Variants in KLF13 observed in about 807,000 individuals in gnomAD.
KLF13 encodes the protein Krueppel-like factor 13.
KLF13 carries 8 observed loss-of-function variants against 16.7 expected under a neutral mutation model. The ratio of observed to expected loss-of-function variants is 0.48; its 90% confidence interval spans 0.28 to 0.87. The LOEUF is 0.87. KLF13 is among the 40% of genes least tolerant of loss of function. The probability of loss-of-function intolerance (pLI) is 0.10; values close to 1 mark genes in which losing one functional copy is unlikely to be tolerated. For missense variants in KLF13, 447 were observed against 452.2 expected (o/e 0.99, Z 0.10); for synonymous variants, 245 against 208.4 (o/e 1.18, Z -1.51).
intron 1 of KLF13, among the ~76,000 whole-genome samples, chr15:31,433,774 A>T (rs1030777010): frequency 2.0e-5 from 3 of 152,202 alleles, no homozygotes; most frequent in African/African-American, 7.2e-5. Flanking sequence ...GTGTGGGCTG[A>T]CACTGACTGG....
intron 1 of KLF13, among the ~76,000 whole-genome samples, chr15:31,423,913 AAT>A (rs2040373075): frequency 6.6e-6 from 1 of 152,216 alleles, no homozygotes; most frequent in Non-Finnish European, 1.5e-5. Flanking sequence ...TTGAACAACT[AAT>A]AGATCAATGA....
downstream of KLF13, among the ~76,000 whole-genome samples, chr15:31,380,026 A>T (rs1452792768): frequency 6.6e-6 from 1 of 152,190 alleles, no homozygotes; most frequent in Non-Finnish European, 1.5e-5. Flanking sequence ...GGCCGCGCGC[A>T]GTGGTTCACG....
intron 1 of KLF13, among the ~76,000 whole-genome samples, chr15:31,339,288 C>A (rs2038983250): frequency 1.3e-5 from 2 of 152,036 alleles, no homozygotes; most frequent in South Asian, 4.2e-4. Flanking sequence ...GACTAAGATA[C>A]CAAAATGTCT....
At chr15:31,331,784 C>T (rs148650511) in intron 1 of KLF13, among the ~76,000 whole-genome samples, 56 of 152,354 alleles carry the variant, frequency 3.7e-4, no homozygotes, top group African/African-American at 1.1e-3. Flanking sequence ...CACCACCAAA[C>T]CACTGTTACC....
At chr15:31,399,811 C>T (rs1042398287) in intron 2 of KLF13, among the ~76,000 whole-genome samples, 15 of 152,234 alleles carry the variant, frequency 9.9e-5, no homozygotes, top group Admixed American at 7.9e-4. Context: ...CTGTCTTGCC[C>T]GATCTGCCAG....
intron 1 of KLF13, among the ~76,000 whole-genome samples, chr15:31,365,624 C>CA (rs2039455800): frequency 6.6e-6 from 1 of 150,840 alleles, no homozygotes; most frequent in Non-Finnish European, 1.5e-5. Flanking sequence ...TGGGGGGGCC[C>CA]ACTCACCTGT....
chr15:31,427,991 G>A (rs1012248087), intron 1 of KLF13, among the ~76,000 whole-genome samples: 1 of 151,834 alleles, frequency 6.6e-6, no homozygotes, highest in Non-Finnish European at 1.5e-5. Context: ...ATTTGGGTGG[G>A]GACACAGACC....
intron 1 of KLF13, among the ~76,000 whole-genome samples, chr15:31,418,933 G>C (rs559929393): frequency 3.6e-4 from 55 of 152,270 alleles, no homozygotes; most frequent in African/African-American, 1.3e-3. Flanking sequence ...AACATAGAGA[G>C]ACCCTGTCTC....
chr15:31,337,650 A>G (rs573320534), intron 1 of KLF13, among the ~76,000 whole-genome samples: 37 of 152,358 alleles, frequency 2.4e-4, no homozygotes, highest in African/African-American at 7.9e-4. Context: ...AAGCCGGTAC[A>G]GTATAGTACT....
At chr15:31,338,839 C>T (rs560114500) in intron 1 of KLF13, among the ~76,000 whole-genome samples, 1 of 152,078 alleles carries the variant, frequency 6.6e-6, no homozygotes, top group East Asian at 1.9e-4. Flanking sequence ...CCTCTACTCC[C>T]CCTTGTACTG....
intron 1 of KLF13, among the ~76,000 whole-genome samples, chr15:31,423,133 GTATACGTATACGTATA>G (rs1465515148): frequency 1.0e-5 from 1 of 95,646 alleles, no homozygotes; most frequent in East Asian, 2.9e-4. Flanking sequence ...GTATATATAC[GTATACGTATACGTATA>G]TATACGTATA....
At chr15:31,423,139 GTATACGTATA>G (rs1345017777) in intron 1 of KLF13, among the ~76,000 whole-genome samples, 4 of 15,154 alleles carry the variant, frequency 2.6e-4, no homozygotes, top group Non-Finnish European at 4.6e-4. Flanking sequence ...ATACGTATAC[GTATACGTATA>G]TATACGTATA....
chr15:31,371,842 C>T (rs1301143631), intron 1 of KLF13, among the ~76,000 whole-genome samples, 168 bp from the exon 2 acceptor site: 1 of 152,200 alleles, frequency 6.6e-6, no homozygotes, highest in Non-Finnish European at 1.5e-5. Flanking sequence ...AGGGCAGGGG[C>T]CCACCTTCAT....
At chr15:31,401,597 G>T (rs1179232079) in intron 2 of KLF13, among the ~76,000 whole-genome samples, 1 of 152,242 alleles carries the variant, frequency 6.6e-6, no homozygotes, top group Non-Finnish European at 1.5e-5. Flanking sequence ...GCCACCTGGT[G>T]TGTGGGGCTG....
chr15:31,372,175 G>A lies in KLF13; in HGVS notation c.743G>A (p.Arg248His). Residue 248 changes from arginine to histidine, a missense_variant, in exon 2 of 2, where the codon CGC becomes CAC. By Grantham distance (29) the Arg-to-His change is conservative. Coordinates refer to ENST00000307145, the MANE Select transcript of KLF13 (RefSeq NM_015995.4). ...RSDHLTKHAR[R>H]HANFHPGMLQ... ...GACCACCTGACCAAGCACGCGCGCCGCCACGCCAACTTCCACCCGGGAATG... is the reference window on the plus strand; with the variant it reads ...GACCACCTGACCAAGCACGCGCGCCACCACGCCAACTTCCACCCGGGAATG... 1.2e-6 allele frequency: 2 copies of A among 1,612,008 alleles called. No homozygotes were observed. Among genetic ancestry groups the A allele is most frequent in the Non-Finnish European group, 8.5e-7 (1 of 1,179,688 alleles).
At chr15:31,426,869 A>G (rs946310023) in intron 1 of KLF13, among the ~76,000 whole-genome samples, 10 of 152,196 alleles carry the variant, frequency 6.6e-5, no homozygotes, top group Non-Finnish European at 2.9e-5. Context: ...TGGAAAGAAC[A>G]AAAAAGGCAG....
chr15:31,413,201 A>AC lies in KLF13; in HGVS notation n.117+19510_117+19511insC, dbSNP rs1314778422. On this transcript the variant is annotated intron_variant and non_coding_transcript_variant, in intron 1 of 1. Transcript: ENST00000558225. ...AAATGAATAGACAAAAAAAAAAAAA[A>AC]ACAAAAAACAAAAAAACCAGCCTCA... Among the ~76,000 whole-genome samples, 162 of 149,608 alleles carry AC rather than the reference A, an allele frequency of 1.1e-3. 2 individuals carry two copies. Among genetic ancestry groups the AC allele is most frequent in the African/African-American group, 3.4e-3 (141 of 41,018 alleles).
intron 1 of KLF13, among the ~76,000 whole-genome samples, chr15:31,428,677 G>A (rs530675194): frequency 1.5e-4 from 22 of 151,562 alleles, no homozygotes; most frequent in Non-Finnish European, 2.7e-4. Flanking sequence ...GCGTGGTGGC[G>A]GGCGCCTGTA....
chr15:31,400,227 G>A (rs1469088298), intron 2 of KLF13, among the ~76,000 whole-genome samples: 3 of 152,228 alleles, frequency 2.0e-5, no homozygotes, highest in Non-Finnish European at 1.5e-5. Context: ...AATCCACGGA[G>A]CGAGAGCGGT....
Sources: allele counts gnomAD v4.1 joint callset (sites outside exome capture counted in the v4.1 genomes callset), GRCh38; gene constraint gnomAD v4.1.1; transcripts MANE v1.5; gene names NCBI Gene and HGNC (gene_info 2026-07-23, HGNC 2026-07-21).